PAFAH1B1: variants seen among roughly 807,000 people sequenced by gnomAD.
PAFAH1B1 encodes platelet-activating factor acetylhydrolase IB subunit beta.
Under a neutral mutation model 57.5 loss-of-function variants are expected in PAFAH1B1, and 2 were observed. That is an observed-to-expected ratio of 0.03 (90% CI 0.01 to 0.11). The LOEUF is 0.11. PAFAH1B1 is among the 10% of genes least tolerant of loss of function. The pLI is 1.00. For missense variants in PAFAH1B1, 257 were observed against 512.0 expected (o/e 0.50, Z 4.81); for synonymous variants, 152 against 169.6 (o/e 0.90, Z 0.81).
At chr17:2,673,782 A>G (rs939847738) in intron 7 of PAFAH1B1, 10 of 421,756 alleles carry the variant, frequency 2.4e-5, no homozygotes, top group African/African-American at 8.0e-5. Flanking sequence ...CTTTTTTCCA[A>G]TATGGCTGGA....
intron 6 of PAFAH1B1, among the ~76,000 whole-genome samples, chr17:2,671,130 C>G (rs997446111): frequency 6.6e-6 from 1 of 152,096 alleles, no homozygotes; most frequent in African/African-American, 2.4e-5. Context: ...TGTGTTTTCT[C>G]TGTCCCAAAT....
intron 5 of PAFAH1B1, among the ~76,000 whole-genome samples, chr17:2,669,862 GAGAC>G (rs1165462366): frequency 6.6e-6 from 1 of 151,542 alleles, no homozygotes; most frequent in Non-Finnish European, 1.5e-5. Context: ...TTCCTGCTCT[GAGAC>G]AGGGAGCGGA....
At chr17:2,611,890 A>G (rs897105602) in intron 1 of PAFAH1B1, among the ~76,000 whole-genome samples, 2 of 152,128 alleles carry the variant, frequency 1.3e-5, no homozygotes, top group Non-Finnish European at 1.5e-5. Context: ...ATGAAGTACT[A>G]TGAAGTCACA....
Position 2,666,045 on chromosome 17 carries a change from T to G in PAFAH1B1, c.147T>G (p.Gly49=), listed in dbSNP as rs776953307. 1 of 1,523,376 alleles carries G rather than the reference T, an allele frequency of 6.6e-7. No individual in the cohort carries two copies. The highest frequency in any genetic ancestry group is 9.0e-7 in the Non-Finnish European group (1 of 1,114,694). 94.4% of individuals were successfully genotyped at this position (1,523,376 alleles called of 1,614,324 possible). A position where few individuals can be genotyped will look rare whatever the true frequency, so the allele number is the denominator to read the frequency against. Residue 49 remains glycine, a synonymous_variant, in exon 4 of 11, where the codon GGT becomes GGG. Transcript: ENST00000397195. ...AAGAATTAGATAAAAAGTATGCTGG[T>G]CTTTTGGAAAAAAAATGGACATCTG... ...VNEELDKKYA[G]LLEKKWTSVI... is the part of the protein sequence containing the mutation.
At position 2,593,801 on chromosome 17, in the gene PAFAH1B1, C is replaced by A; in HGVS notation, c.-396C>A. 1 of 394,622 alleles carries A rather than the reference C, an allele frequency of 2.5e-6. No homozygotes were observed. The highest frequency in any genetic ancestry group is 4.5e-6 in the Non-Finnish European group (1 of 223,898). The allele number at this position is 394,622 out of a possible 1,614,324, so 24.4% of individuals were successfully genotyped here. A position where few individuals can be genotyped will look rare whatever the true frequency, so the allele number is the denominator to read the frequency against. ...CGCGAGCGAGAGAAACCGCGAGCGC[C>A]GAGCTTGGACTCGAGCCCCGGAACG... On this transcript the variant is annotated 5_prime_UTR_variant, in exon 1 of 11. Transcript: ENST00000397195.
At position 2,655,577 on chromosome 17, in the gene PAFAH1B1, A is replaced by G. The variant is rs536337623; in HGVS notation, c.33-9795A>G. Reference sequence around the variant, plus strand: ...GTAATCCCAGCTACTCCGGAGGCAGAGGTTGCAATAAGCTGAGATTGTGCC... The same window carrying G: ...GTAATCCCAGCTACTCCGGAGGCAGGGGTTGCAATAAGCTGAGATTGTGCC... On this transcript the variant is annotated intron_variant, in intron 2 of 10. Coordinates refer to ENST00000397195, the MANE Select transcript of PAFAH1B1 (RefSeq NM_000430.4). Among the ~76,000 whole-genome samples, 3 of 152,300 alleles carry G rather than the reference A, an allele frequency of 2.0e-5. No homozygotes were observed. In the East Asian group the frequency reaches 5.8e-4, roughly 29 times the overall value.
intron 1 of PAFAH1B1, among the ~76,000 whole-genome samples, chr17:2,627,619 C>G (rs897240693): frequency 7.9e-5 from 12 of 152,028 alleles, no homozygotes; most frequent in African/African-American, 2.9e-4. Context: ...TTTTGTAATT[C>G]TATGAAGAAT....
chr17:2,630,151 G>T (rs1460719546), intron 1 of PAFAH1B1, among the ~76,000 whole-genome samples: 2 of 151,934 alleles, frequency 1.3e-5, no homozygotes, highest in Non-Finnish European at 1.5e-5. Context: ...TGTACTTTGG[G>T]TTTTTTTGTT....
intron 5 of PAFAH1B1, among the ~76,000 whole-genome samples, chr17:2,667,743 G>A (rs978265466): frequency 1.3e-5 from 2 of 151,874 alleles, no homozygotes; most frequent in Non-Finnish European, 2.9e-5. Context: ...ATTTAAAATT[G>A]GCTTTCCAGG....
chr17:2,623,979 C>A (rs1441208413), intron 1 of PAFAH1B1, among the ~76,000 whole-genome samples: 1 of 152,168 alleles, frequency 6.6e-6, no homozygotes, highest in Admixed American at 6.5e-5. Flanking sequence ...TTTCAAACAC[C>A]CAGGTCACCT....
chr17:2,642,793 G>C (rs1352579803), intron 2 of PAFAH1B1, among the ~76,000 whole-genome samples: 2 of 152,020 alleles, frequency 1.3e-5, no homozygotes, highest in Non-Finnish European at 2.9e-5. Context: ...TTCCCTCTTT[G>C]CATGATGGTA....
chr17:2,666,159 T>C (rs1314545224), intron 4 of PAFAH1B1, 69 bp downstream of exon 4: 1 of 1,231,794 alleles, frequency 8.1e-7, no homozygotes, highest in Non-Finnish European at 1.1e-6. Flanking sequence ...ATAACATTCT[T>C]CTGCATTAAT....
In PAFAH1B1 at chr17:2,641,083, T is replaced by C. The variant is rs575389684; in HGVS notation, c.32+2763T>C. The C allele has an allele frequency of 2.8e-4, 43 of 152,374 alleles. 1 individual carries two copies. The highest frequency in any genetic ancestry group is 9.1e-4 in the African/African-American group (38 of 41,588). 9.4% of individuals were successfully genotyped at this position (152,374 alleles called of 1,614,324 possible). ...CATTCCACACTACAGGCAGCACTTA[T>C]CATTTTGCTGTAAGCAAGGGACTTT... is the stretch of plus-strand genomic sequence containing the variant. On this transcript the variant is annotated intron_variant, in intron 2 of 10. Transcript: ENST00000397195.
At chr17:2,676,327 A>C in intron 8 of PAFAH1B1, 178 bp from the exon 9 acceptor site, 2 of 565,952 alleles carry the variant, frequency 3.5e-6, no homozygotes, top group South Asian at 3.9e-5. Flanking sequence ...GCAGTGACCC[A>C]AGATTGCACC....
At chr17:2,631,574 C>T (rs2068555249) in intron 1 of PAFAH1B1, among the ~76,000 whole-genome samples, 1 of 152,212 alleles carries the variant, frequency 6.6e-6, no homozygotes, top group Non-Finnish European at 1.5e-5. Context: ...GCGTGGCTCT[C>T]TAAGTTAGTC....
At chr17:2,601,419 C>T (rs2068142593) in intron 1 of PAFAH1B1, among the ~76,000 whole-genome samples, 1 of 151,162 alleles carries the variant, frequency 6.6e-6, no homozygotes, top group Non-Finnish European at 1.5e-5. Flanking sequence ...AGGCATGAGC[C>T]ACCGTGCCCA....
chr17:2,679,458 TTGGATGGATGGATGGATGATTGGATGGA>T, intron 9 of PAFAH1B1, among the ~76,000 whole-genome samples: 1 of 102,578 alleles, frequency 9.7e-6, no homozygotes, highest in African/African-American at 3.8e-5. Flanking sequence ...AGATGGATGA[TTGGATGGATGGATGGATGATTGGATGGA>T]TGGATGGATG....
chr17:2,630,532 G>A (rs917365715), intron 1 of PAFAH1B1, among the ~76,000 whole-genome samples: 3 of 152,304 alleles, frequency 2.0e-5, no homozygotes, highest in Admixed American at 1.3e-4. Flanking sequence ...CTGTCTCACA[G>A]CTCTTAAGAT....
At chr17:2,652,409 C>G (rs966326203) in intron 2 of PAFAH1B1, among the ~76,000 whole-genome samples, 1 of 152,170 alleles carries the variant, frequency 6.6e-6, no homozygotes, top group Admixed American at 6.5e-5. Flanking sequence ...AGCGAGACTC[C>G]GTCTCAAACA....
Sources: gnomAD v4.1 joint callset for allele counts (sites outside exome capture counted in the v4.1 genomes callset) on GRCh38, gnomAD v4.1.1 for gene constraint, MANE v1.5 for transcripts, NCBI Gene and HGNC (gene_info 2026-07-23, HGNC 2026-07-21) for gene names.